Variants in CDH7 observed in about 807,000 individuals in gnomAD.
CDH7 encodes cadherin-7.
A neutral mutation model predicts 71.8 loss-of-function variants in CDH7; 25 were observed. The ratio of observed to expected loss-of-function variants is 0.35; its 90% CI spans 0.25 to 0.49. The LOEUF (loss-of-function observed/expected upper bound fraction) is 0.49, where lower values mean the gene tolerates loss of function less well. Ranked by LOEUF, CDH7 falls within the 20% of genes least tolerant of loss-of-function variation. CDH7 has a pLI of 0.99. For missense variants in CDH7, 862 were observed against 974.6 expected, an observed-to-expected ratio of 0.88 and a Z score of 1.54; for synonymous variants, 381 against 363.8, an observed-to-expected ratio of 1.05 and a Z score of -0.54.
At chr18:65,823,974 T>G (rs531808653) in intron 5 of CDH7, among the ~76,000 whole-genome samples, 1 of 151,922 alleles carries the variant, frequency 6.6e-6, no homozygotes, top group South Asian at 2.1e-4. Flanking sequence ...TGAGGGATGG[T>G]GAAGAGGAGT....
intron 7 of CDH7, among the ~76,000 whole-genome samples, chr18:65,848,293 G>A (rs1322444568): frequency 6.6e-6 from 1 of 152,172 alleles, no homozygotes; most frequent in East Asian, 1.9e-4. Context: ...TTAAAAACCT[G>A]TGTTATGCAA....
In CDH7 at chr18:65,814,564, T is replaced by A. The variant is rs1445549638; in HGVS notation, c.585T>A (p.Ile195=). Residue 195 remains isoleucine, a synonymous_variant, in exon 4 of 12, where the codon ATT becomes ATA. Transcript: ENST00000397968. ...ACAGTGCCAGAGTGGTCTACAGTAT[T>A]CTGCAAGGACAGCCGTACTTCTCAG... ...YGNSARVVYS[I]LQGQPYFSVE... The A allele has an allele frequency of 6.2e-7, 1 of 1,613,648 alleles. No individual in the cohort carries two copies. The highest frequency in any genetic ancestry group is 1.1e-5 in the South Asian group (1 of 91,004).
chr18:65,829,320 G>A lies in CDH7; in HGVS notation c.981+4489G>A, dbSNP rs909157999. Among the ~76,000 whole-genome samples the A allele has an allele frequency of 2.6e-5, 4 of 151,990 alleles. No homozygotes were observed. The South Asian group carries it at 8.3e-4, about 32-fold the overall frequency. On this transcript the variant is annotated intron_variant, in intron 6 of 11. Coordinates refer to ENST00000397968, the MANE Select transcript of CDH7 (RefSeq NM_004361.5). ...TTTTTAGTAGAGACGGGGTTTCACC[G>A]TGTTAGCCAGGATGGTCTCGATCTC...
At chr18:65,824,496 C>T (rs1200417468) in intron 5 of CDH7, 148 bp from the exon 6 acceptor site, 1 of 450,980 alleles carries the variant, frequency 2.2e-6, no homozygotes, top group Non-Finnish European at 3.9e-6. Context: ...CTCTATGAAA[C>T]TCATCTTTTG....
At chr18:65,756,811 T>C (rs1916042617) in intron 1 of CDH7, among the ~76,000 whole-genome samples, 1 of 152,232 alleles carries the variant, frequency 6.6e-6, no homozygotes, top group African/African-American at 2.4e-5. Context: ...ATAGCACATA[T>C]TATTTCTAGA....
chr18:65,871,983 G>A (rs529785332), intron 11 of CDH7, among the ~76,000 whole-genome samples: 300 of 150,638 alleles, frequency 2.0e-3, no homozygotes, highest in Middle Eastern at 0.014. Context: ...AGAATGTGGG[G>A]TGAAAAGCCA....
At chr18:65,838,038 C>T (rs1337931093) in intron 6 of CDH7, among the ~76,000 whole-genome samples, 1 of 151,182 alleles carries the variant, frequency 6.6e-6, no homozygotes, top group Non-Finnish European at 1.5e-5. Context: ...AATTCTCCTG[C>T]CTCAGCCTCT....
At chr18:65,775,268 T>A (rs1598994388) in intron 2 of CDH7, among the ~76,000 whole-genome samples, 1 of 152,338 alleles carries the variant, frequency 6.6e-6, no homozygotes, top group Non-Finnish European at 1.5e-5. Flanking sequence ...AAGATATGAC[T>A]GTGAGTCTCA....
At chr18:65,773,247 A>T (rs192350128) in intron 2 of CDH7, among the ~76,000 whole-genome samples, 35 of 152,326 alleles carry the variant, frequency 2.3e-4, no homozygotes, top group Admixed American at 3.9e-4. Flanking sequence ...TGGTCCTAAA[A>T]GACACATAAA....
At chr18:65,831,523 T>C (rs1912348846) in intron 6 of CDH7, among the ~76,000 whole-genome samples, 1 of 152,226 alleles carries the variant, frequency 6.6e-6, no homozygotes, top group Non-Finnish European at 1.5e-5. Flanking sequence ...AGTCTTGTTC[T>C]TAAGATTTCC....
chr18:65,760,177 C>T (rs982602341), intron 1 of CDH7, among the ~76,000 whole-genome samples: 2 of 152,066 alleles, frequency 1.3e-5, no homozygotes, highest in South Asian at 2.1e-4. Flanking sequence ...TTTTTGATTG[C>T]CAGGCACTAT....
intron 2 of CDH7, among the ~76,000 whole-genome samples, chr18:65,785,912 C>T (rs1599004770): frequency 6.6e-6 from 1 of 152,080 alleles, no homozygotes; most frequent in Non-Finnish European, 1.5e-5. Flanking sequence ...TGTTAACCAG[C>T]ATATTATACT....
At chr18:65,829,636 T>C (rs767729001) in intron 6 of CDH7, among the ~76,000 whole-genome samples, 1 of 151,822 alleles carries the variant, frequency 6.6e-6, no homozygotes, top group Non-Finnish European at 1.5e-5. Flanking sequence ...GCCTGTTGAC[T>C]CCCCTGCACT....
At chr18:65,764,235 T>A (rs1464403818) in intron 2 of CDH7, among the ~76,000 whole-genome samples, 3 of 151,990 alleles carry the variant, frequency 2.0e-5, no homozygotes, top group South Asian at 2.1e-4. Context: ...ATCAAGGTAA[T>A]TTGTATTATA....
intron 2 of CDH7, among the ~76,000 whole-genome samples, chr18:65,792,672 C>A (rs1303378726): frequency 2.0e-5 from 3 of 151,418 alleles, no homozygotes; most frequent in African/African-American, 7.3e-5. Flanking sequence ...TCTAGAGAAG[C>A]AAACAAGAAA....
chr18:65,789,802 T>C lies in CDH7; in HGVS notation c.211-19902T>C, dbSNP rs149889881. 2.8e-3 allele frequency among the ~76,000 whole-genome samples: 419 copies of C among 152,214 alleles called. 2 individuals carry two copies. The highest frequency in any genetic ancestry group is 9.6e-3 in the African/African-American group (401 of 41,556). ...AGGAGGTGGGGAGGTGTCTTACTCA[T>C]TGTTGCATTTACAGCACCAGCAAGG... On this transcript the variant is annotated intron_variant, in intron 2 of 11. Coordinates refer to ENST00000397968, the MANE Select transcript of CDH7 (RefSeq NM_004361.5).
intron 3 of CDH7, among the ~76,000 whole-genome samples, chr18:65,813,122 C>T (rs1294163661): frequency 6.6e-6 from 1 of 152,148 alleles, no homozygotes; most frequent in Non-Finnish European, 1.5e-5. Flanking sequence ...CATCTGAGGT[C>T]AGGAGTTCGA....
At position 65,843,854 on chromosome 18, in the gene CDH7, G is replaced by A. The variant is rs758794666; in HGVS notation, c.1024G>A (p.Glu342Lys). ...EAKTSYTLRI[E>K]AANKDADPRF... Reference sequence around the variant, plus strand: ...CAAAACAAGTTACACGCTACGGATAGAAGCTGCAAATAAAGATGCCGACCC... The same window carrying A: ...CAAAACAAGTTACACGCTACGGATAAAAGCTGCAAATAAAGATGCCGACCC... Residue 342 changes from glutamate (E) to lysine (K), a missense_variant, in exon 7 of 12, where the codon GAA (glutamate) becomes AAA (lysine). Transcript: ENST00000397968. 2.5e-6 allele frequency: 4 copies of A among 1,583,730 alleles called. No homozygotes were observed. The East Asian group carries it at 9.2e-5, about 36-fold the overall frequency.
At chr18:65,790,257 G>A (rs1910665610) in intron 2 of CDH7, among the ~76,000 whole-genome samples, 1 of 150,822 alleles carries the variant, frequency 6.6e-6, no homozygotes, top group African/African-American at 2.4e-5. Flanking sequence ...GTTGCCTGAG[G>A]GATATCTATG....
Sources: gnomAD v4.1 joint callset for allele counts (sites outside exome capture counted in the v4.1 genomes callset) on GRCh38, gnomAD v4.1.1 for gene constraint, MANE v1.5 for transcripts, NCBI Gene and HGNC (gene_info 2026-07-23, HGNC 2026-07-21) for gene names.